Variants in TBC1D1 observed in about 807,000 individuals in gnomAD.
TBC1D1 encodes TBC1 domain family member 1, also known as TBC1 (tre-2/USP6, BUB2, cdc16) domain family, member 1.
A neutral mutation model predicts 125.6 loss-of-function variants in TBC1D1; 89 were observed. The ratio of observed to expected loss-of-function variants is 0.71; its 90% CI spans 0.60 to 0.85. TBC1D1 has a LOEUF of 0.85. Ranked by LOEUF, TBC1D1 falls within the 40% of genes least tolerant of loss-of-function variation. The pLI is 0.00. For synonymous variants in TBC1D1, 565 were observed against 564.1 expected (o/e 1.00, Z -0.02); for missense variants, 1,377 against 1,469.2 (o/e 0.94, Z 1.03).
intron 2 of TBC1D1, among the ~76,000 whole-genome samples, chr4:37,980,819 C>T (rs1734197201): frequency 1.3e-5 from 2 of 152,062 alleles, no homozygotes; most frequent in Admixed American, 6.5e-5. Context: ...TTATTAGGTA[C>T]TTTTTGTATA....
At chr4:37,962,142 G>A (rs1031673575) in intron 2 of TBC1D1, among the ~76,000 whole-genome samples, 1 of 152,226 alleles carries the variant, frequency 6.6e-6, no homozygotes, top group African/African-American at 2.4e-5. Flanking sequence ...TCTTGGAGCT[G>A]ATTCTGTGGT....
At chr4:38,043,005 G>T (rs569682634) in intron 8 of TBC1D1, among the ~76,000 whole-genome samples, 1 of 152,130 alleles carries the variant, frequency 6.6e-6, no homozygotes, top group Non-Finnish European at 1.5e-5. Context: ...GAGTTCAAGC[G>T]ATTCTCCTGC....
At chr4:38,043,763 G>C (rs1748878715) in intron 8 of TBC1D1, among the ~76,000 whole-genome samples, 1 of 152,190 alleles carries the variant, frequency 6.6e-6, no homozygotes, top group African/African-American at 2.4e-5. Flanking sequence ...AAGTAGGAGA[G>C]AGGAAAACGC....
At chr4:38,041,549 AAAGCAAAT>A (rs1221025496) in intron 8 of TBC1D1, among the ~76,000 whole-genome samples, 1 of 152,228 alleles carries the variant, frequency 6.6e-6, no homozygotes, top group Non-Finnish European at 1.5e-5. Context: ...GCAAGAAAAA[AAAGCAAAT>A]AAGTGTTTAA....
At chr4:38,125,465 A>G (rs991858895) in intron 18 of TBC1D1, among the ~76,000 whole-genome samples, 1 of 152,214 alleles carries the variant, frequency 6.6e-6, no homozygotes, top group African/African-American at 2.4e-5. Context: ...GATGCAATGT[A>G]GGGTTTTGTA....
At chr4:38,050,226 T>C (rs369627928) in intron 11 of TBC1D1, among the ~76,000 whole-genome samples, 8 of 152,282 alleles carry the variant, frequency 5.3e-5, no homozygotes, top group African/African-American at 1.9e-4. Flanking sequence ...AGTCTCCCCA[T>C]CTGAAGCCCT....
chr4:38,017,819 A>G (rs1192592415), intron 3 of TBC1D1, among the ~76,000 whole-genome samples: 1 of 152,196 alleles, frequency 6.6e-6, no homozygotes, highest in African/African-American at 2.4e-5. Context: ...GGGTATTGCA[A>G]CACAGCAGTC....
intron 4 of TBC1D1, among the ~76,000 whole-genome samples, chr4:38,019,451 T>C (rs1185483589): frequency 1.3e-5 from 2 of 152,180 alleles, no homozygotes; most frequent in African/African-American, 4.8e-5. Context: ...TATTGGAAAA[T>C]ATTTGGCCTG....
At chr4:38,126,006 G>A (rs1238440000) in intron 18 of TBC1D1, among the ~76,000 whole-genome samples, 3 of 152,162 alleles carry the variant, frequency 2.0e-5, no homozygotes, top group East Asian at 1.9e-4. Flanking sequence ...ATAGCAATAC[G>A]TTTTGAGAAC....
At position 38,137,201 on chromosome 4, in the gene TBC1D1, C is replaced by G; in HGVS notation, c.3373C>G (p.Leu1125Val). 1.2e-6 allele frequency: 2 copies of G among 1,613,176 alleles called. No individual in the cohort carries two copies. The highest frequency in any genetic ancestry group is 1.9e-4 in the Middle Eastern group (1 of 5,290). ...GAAGCTCCTGAGCAGTGAGAGCAAG[C>G]TGAAGCAGGCCATGCTTACCTTAGA... The change falls in exon 20 of 20, where the codon CTG (leucine) becomes GTG (valine). Residue 1125 changes from leucine to valine, a missense_variant. Coordinates refer to ENST00000261439, the MANE Select transcript of TBC1D1 (RefSeq NM_015173.4).
chr4:37,981,972 C>T (rs747866007), intron 2 of TBC1D1, among the ~76,000 whole-genome samples: 55 of 152,298 alleles, frequency 3.6e-4, no homozygotes, highest in Non-Finnish European at 1.6e-4. Flanking sequence ...TGATGTGACC[C>T]AGTGGCTTTG....
chr4:38,076,144 C>A (rs1755559492), intron 12 of TBC1D1, among the ~76,000 whole-genome samples: 3 of 152,130 alleles, frequency 2.0e-5, no homozygotes, highest in Admixed American at 2.0e-4. Flanking sequence ...GCTGGGGAGA[C>A]CTCAGGAAAC....
chr4:37,904,565 G>T (rs991806193), intron 2 of TBC1D1, among the ~76,000 whole-genome samples: 1 of 152,342 alleles, frequency 6.6e-6, no homozygotes, highest in Middle Eastern at 3.4e-3. Flanking sequence ...CAGTCATTCG[G>T]ATGCCTGACA....
chr4:38,105,880 A>G (rs1273211466), intron 15 of TBC1D1, among the ~76,000 whole-genome samples: 1 of 152,158 alleles, frequency 6.6e-6, no homozygotes, highest in Non-Finnish European at 1.5e-5. Flanking sequence ...TGCAATTGTG[A>G]ATAGTGCTGT....
intron 6 of TBC1D1, among the ~76,000 whole-genome samples, chr4:38,023,825 AT>A: frequency 6.6e-6 from 1 of 152,204 alleles, no homozygotes; most frequent in Non-Finnish European, 1.5e-5. Flanking sequence ...TCTTTCGGTT[AT>A]ATATCCAGAA....
At chr4:38,079,060 A>G (rs1399859072) in intron 12 of TBC1D1, among the ~76,000 whole-genome samples, 1 of 151,998 alleles carries the variant, frequency 6.6e-6, no homozygotes, top group Non-Finnish European at 1.5e-5. Flanking sequence ...GACAGCCCGG[A>G]GTACCCTGGG....
At chr4:38,063,373 C>G (rs1753107877) in intron 12 of TBC1D1, among the ~76,000 whole-genome samples, 1 of 152,168 alleles carries the variant, frequency 6.6e-6, no homozygotes, top group African/African-American at 2.4e-5. Flanking sequence ...TTTGCCTCAT[C>G]CTGGTCCCTG....
At position 37,983,344 on chromosome 4, in the gene TBC1D1, A is replaced by G. The variant is rs1734774735; in HGVS notation, c.418-31165A>G. 4.0e-5 allele frequency among the ~76,000 whole-genome samples: 6 copies of G among 151,794 alleles called. No homozygotes were observed. In the South Asian group the frequency reaches 1.2e-3, roughly 32 times the overall value. ...TGGCCAGGATGGTCTCGATCTCCTG[A>G]CCTCGTGATCTACCTGCCTCGGCCT... On this transcript the variant is annotated intron_variant, in intron 2 of 19. Coordinates refer to ENST00000261439, the MANE Select transcript of TBC1D1 (RefSeq NM_015173.4).
intron 15 of TBC1D1, among the ~76,000 whole-genome samples, chr4:38,114,175 A>G (rs1762595678): frequency 6.6e-6 from 1 of 152,178 alleles, no homozygotes; most frequent in South Asian, 2.1e-4. Flanking sequence ...AGGTGAGTGC[A>G]CGGAGCTCCA....
Sources: gnomAD v4.1 joint callset for allele counts (sites outside exome capture counted in the v4.1 genomes callset) on GRCh38, gnomAD v4.1.1 for gene constraint, MANE v1.5 for transcripts, NCBI Gene and HGNC (gene_info 2026-07-23, HGNC 2026-07-21) for gene names.